Variants in NLGN1 observed in about 807,000 individuals in gnomAD.
The protein encoded by NLGN1 is neuroligin-1.
Under a neutral mutation model 65.5 loss-of-function variants are expected in NLGN1, and 12 were observed. The observed-to-expected ratio is 0.18, with a 90% CI of 0.12 to 0.30. NLGN1 has a LOEUF of 0.30. Among genes scored for constraint, NLGN1 ranks in the 10% least tolerant of loss-of-function variants. The pLI is 1.00. For synonymous variants in NLGN1, 350 were observed against 359.5 expected, an observed-to-expected ratio of 0.97 and a Z score of 0.30; for missense variants, 750 against 1,007.1, an observed-to-expected ratio of 0.74 and a Z score of 3.46.
intron 3 of NLGN1, among the ~76,000 whole-genome samples, chr3:173,712,463 G>A (rs909606900): frequency 3.3e-5 from 5 of 152,106 alleles, no homozygotes; most frequent in Admixed American, 6.6e-5. Flanking sequence ...TTAAGATTTA[G>A]GATCTAGTCA....
intron 3 of NLGN1, among the ~76,000 whole-genome samples, chr3:173,788,362 A>G (rs541657444): frequency 6.6e-6 from 1 of 152,222 alleles, no homozygotes; most frequent in African/African-American, 2.4e-5. Flanking sequence ...AACATAAAAT[A>G]TCAATTGATT....
At chr3:173,501,142 G>T (rs1315596393) in intron 2 of NLGN1, among the ~76,000 whole-genome samples, 3 of 152,014 alleles carry the variant, frequency 2.0e-5, no homozygotes, top group Admixed American at 6.6e-5. Context: ...AGATACATGT[G>T]CAGGATGTGC....
At chr3:173,739,818 T>G (rs1774356003) in intron 3 of NLGN1, among the ~76,000 whole-genome samples, 1 of 152,098 alleles carries the variant, frequency 6.6e-6, no homozygotes, top group Non-Finnish European at 1.5e-5. Context: ...AAAACAAAGG[T>G]TGTAAATGCG....
intron 3 of NLGN1, among the ~76,000 whole-genome samples, chr3:173,715,936 T>G (rs1184062062): frequency 6.6e-6 from 1 of 152,128 alleles, no homozygotes; most frequent in Non-Finnish European, 1.5e-5. Flanking sequence ...TTTCAATTCT[T>G]GCTGAACAAA....
intron 4 of NLGN1, among the ~76,000 whole-genome samples, chr3:174,271,797 A>G (rs1310448618): frequency 1.3e-5 from 2 of 151,740 alleles, no homozygotes; most frequent in Non-Finnish European, 3.0e-5. Flanking sequence ...ATTTGGACAA[A>G]TAGGTGAATG....
At chr3:173,680,375 T>A (rs1289131877) in intron 3 of NLGN1, among the ~76,000 whole-genome samples, 1 of 152,154 alleles carries the variant, frequency 6.6e-6, no homozygotes, top group African/African-American at 2.4e-5. Flanking sequence ...ATCAGAAATG[T>A]ACTTTTAAAT....
intron 4 of NLGN1, among the ~76,000 whole-genome samples, chr3:174,072,259 A>C (rs1580138111): frequency 1.3e-5 from 2 of 152,172 alleles, no homozygotes; most frequent in Admixed American, 1.3e-4. Context: ...ACTTAACAAG[A>C]AAGTATGGTA....
intron 2 of NLGN1, among the ~76,000 whole-genome samples, chr3:173,447,246 G>A (rs557988899): frequency 1.3e-5 from 2 of 152,138 alleles, no homozygotes; most frequent in Non-Finnish European, 2.9e-5. Flanking sequence ...TTTGTATAAG[G>A]TGTAAGGAAG....
At chr3:174,293,141 A>G in the NLGN1 span, among the ~76,000 whole-genome samples, 2 of 151,570 alleles carry the variant, frequency 1.3e-5, no homozygotes, top group Non-Finnish European at 3.0e-5. Context: ...TATAAAGGAC[A>G]GCAAGATGGG....
chr3:174,122,603 A>G (rs562026984), intron 4 of NLGN1, among the ~76,000 whole-genome samples: 1 of 152,258 alleles, frequency 6.6e-6, no homozygotes, highest in South Asian at 2.1e-4. Flanking sequence ...GAAAAAATGC[A>G]GTTGACGCAG....
chr3:173,569,440 A>G (rs933293940), intron 2 of NLGN1, among the ~76,000 whole-genome samples: 1 of 152,008 alleles, frequency 6.6e-6, no homozygotes, highest in African/African-American at 2.4e-5. Flanking sequence ...TCTATCAAAA[A>G]TCTTTACTAT....
intron 2 of NLGN1, among the ~76,000 whole-genome samples, chr3:173,555,978 T>A (rs910768773): frequency 3.3e-5 from 5 of 152,246 alleles, no homozygotes; most frequent in Non-Finnish European, 7.3e-5. Flanking sequence ...ATTCAATTTT[T>A]AAAATAGAGA....
intron 3 of NLGN1, among the ~76,000 whole-genome samples, chr3:173,646,877 C>T (rs1298229099): frequency 6.6e-6 from 1 of 151,986 alleles, no homozygotes; most frequent in African/African-American, 2.4e-5. Flanking sequence ...TTAAACATTT[C>T]CATTTAAAAG....
chr3:173,794,275 G>A (rs1713481773), intron 3 of NLGN1, among the ~76,000 whole-genome samples: 1 of 152,152 alleles, frequency 6.6e-6, no homozygotes, highest in Non-Finnish European at 1.5e-5. Context: ...GTATGTGTAT[G>A]TATATTTGCT....
intron 3 of NLGN1, among the ~76,000 whole-genome samples, chr3:173,747,304 G>T: frequency 7.8e-6 from 1 of 128,482 alleles, no homozygotes; most frequent in African/African-American, 3.2e-5. Context: ...TCTTATGTAT[G>T]TATATATTTA....
intron 4 of NLGN1, among the ~76,000 whole-genome samples, chr3:174,181,976 C>CAA (rs551914698): frequency 0.09 from 3,982 of 44,280 alleles, 366 homozygotes; most frequent in African/African-American, 0.17. Context: ...GACTTGGTGT[C>CAA]AAAAAAAAAA....
chr3:174,279,102 C>T lies in NLGN1; in HGVS notation c.1101C>T (p.Asp367=), dbSNP rs377009782. 262 of 1,613,254 alleles carry T rather than the reference C, an allele frequency of 1.6e-4. No individual in the cohort carries two copies. The highest frequency in any genetic ancestry group is 1.9e-4 in the Non-Finnish European group (221 of 1,179,470). Residue 367 remains aspartate (D), a synonymous_variant, in exon 6 of 7, where the codon GAC becomes GAT. Transcript: ENST00000457714. This position sits in a 1 kb window ranked among gnomAD's most constrained non-coding sequence, Gnocchi z 4.7. The stretch of plus-strand genomic sequence containing the variant: ...TGATTGATGGTGATGTAATACCAGA[C>T]GACCCCCAGATATTGATGGAGCAAG...
chr3:173,859,243 A>T lies in NLGN1; in HGVS notation c.646+51411A>T, dbSNP rs115139122. Among the ~76,000 whole-genome samples, 1,476 of 152,248 alleles carry T rather than the reference A, an allele frequency of 9.7e-3. 22 individuals carry two copies. Among genetic ancestry groups the T allele is most frequent in the Middle Eastern group, 0.014 (4 of 294 alleles). ...AATGAAGTATTTTGAACATCTTTTA[A>T]TAACTAACTATGAAAACTATATCAT... On this transcript the variant is annotated intron_variant, in intron 4 of 6. Transcript: ENST00000457714.
intron 4 of NLGN1, among the ~76,000 whole-genome samples, chr3:173,871,856 G>A (rs1731224928): frequency 6.6e-6 from 1 of 152,158 alleles, no homozygotes; most frequent in Non-Finnish European, 1.5e-5. Context: ...GGAGTGTTTA[G>A]GACACTGTTT....
Sources: gnomAD v4.1 joint callset for allele counts (sites outside exome capture counted in the v4.1 genomes callset) on GRCh38, gnomAD v4.1.1 for gene constraint, Gnocchi (gnomAD v3.1) non-coding constraint, MANE v1.5 for transcripts, NCBI Gene and HGNC (gene_info 2026-07-23, HGNC 2026-07-21) for gene names.